IRF2: variants seen among roughly 807,000 people sequenced by gnomAD.
IRF2 encodes interferon regulatory factor 2.
In IRF2, 15 loss-of-function variants were observed where a neutral mutation model predicts 40.6. The ratio of observed to expected loss-of-function variants is 0.37; its 90% CI spans 0.25 to 0.57. The LOEUF (loss-of-function observed/expected upper bound fraction) is 0.57. IRF2 is among the 20% of genes least tolerant of loss of function. The pLI, the probability that IRF2 is intolerant of heterozygous loss-of-function variation, is 0.77. For missense variants in IRF2, 317 were observed against 455.7 expected (o/e 0.70, Z 2.77); for synonymous variants, 151 against 165.5 (o/e 0.91, Z 0.67).
intron 1 of IRF2, among the ~76,000 whole-genome samples, chr4:184,442,830 T>C (rs1297563008): frequency 6.8e-6 from 1 of 147,542 alleles, no homozygotes; most frequent in Non-Finnish European, 1.5e-5. Context: ...CCTGTTTGTT[T>C]TTTACCACTT....
chr4:184,466,732 C>A, intron 1 of IRF2, among the ~76,000 whole-genome samples: 1 of 152,130 alleles, frequency 6.6e-6, no homozygotes, highest in East Asian at 1.9e-4. Context: ...GAGAAATGCA[C>A]CATTAAGCAA....
At chr4:184,427,586 A>G (rs1319513501) in intron 2 of IRF2, among the ~76,000 whole-genome samples, 1 of 152,236 alleles carries the variant, frequency 6.6e-6, no homozygotes, top group Non-Finnish European at 1.5e-5. Flanking sequence ...CAGAGGTTAC[A>G]GTGAGCTGAG....
intron 1 of IRF2, among the ~76,000 whole-genome samples, chr4:184,461,697 C>A (rs1739153801): frequency 6.7e-6 from 1 of 149,376 alleles, no homozygotes; most frequent in Non-Finnish European, 1.5e-5. Flanking sequence ...CCCCCACCGC[C>A]CCCCAACCCC....
chr4:184,427,808 T>G (rs1308936375), intron 2 of IRF2, among the ~76,000 whole-genome samples: 1 of 152,232 alleles, frequency 6.6e-6, no homozygotes. Context: ...GGCTACAATC[T>G]GCAATCTGGC....
chr4:184,424,412 G>T (rs1045920992), intron 2 of IRF2, among the ~76,000 whole-genome samples: 1 of 152,164 alleles, frequency 6.6e-6, no homozygotes, highest in African/African-American at 2.4e-5. Context: ...GTACTGAGAG[G>T]TGAGGCCTTT....
At chr4:184,442,375 G>C (rs1429565614) in intron 1 of IRF2, among the ~76,000 whole-genome samples, 1 of 152,114 alleles carries the variant, frequency 6.6e-6, no homozygotes, top group East Asian at 1.9e-4. Context: ...TCCTGGCTTT[G>C]CATCACCTGG....
In IRF2 at chr4:184,474,501, C is replaced by A. The variant is rs1380410618; in HGVS notation, c.-129G>T. On this transcript the variant is annotated 5_prime_UTR_variant, in exon 1 of 9. Coordinates refer to ENST00000393593, the MANE Select transcript of IRF2 (RefSeq NM_002199.4). The surrounding 1 kb of genome is among the most constrained non-coding windows in gnomAD (Gnocchi z 5.6). ...ATCGCAGGAGCAAAACTAAAAGTTA[C>A]TCCCCGGCTTGCCTGAGAACAGTCC... The A allele has an allele frequency of 6.6e-6, 1 of 152,364 alleles. No individual in the cohort carries two copies. Among genetic ancestry groups the A allele is most frequent in the Non-Finnish European group, 1.5e-5 (1 of 68,144 alleles). 9.4% of individuals were successfully genotyped at this position (152,364 alleles called of 1,614,324 possible).
At chr4:184,431,773 C>T (rs556747629) in intron 1 of IRF2, among the ~76,000 whole-genome samples, 3 of 138,580 alleles carry the variant, frequency 2.2e-5, no homozygotes, top group Admixed American at 7.2e-5. Flanking sequence ...TATGGAAACA[C>T]GAGAGGCGTG....
Position 184,402,676 on chromosome 4 carries a change from G to A in IRF2, c.530-3597C>T, listed in dbSNP as rs142444431. On this transcript the variant is annotated intron_variant, in intron 6 of 8. Coordinates refer to ENST00000393593, the MANE Select transcript of IRF2 (RefSeq NM_002199.4). Reference sequence around the variant, plus strand: ...GTCCTGCAGGGGATTGTGACAATCTGCAAATACGGGACGTGACAATTAATG... The same window carrying A: ...GTCCTGCAGGGGATTGTGACAATCTACAAATACGGGACGTGACAATTAATG... 3.3e-5 allele frequency among the ~76,000 whole-genome samples: 5 copies of A among 152,262 alleles called. No individual in the cohort carries two copies. The East Asian group carries it at 9.6e-4, about 29-fold the overall frequency.
chr4:184,465,878 G>C (rs996660958), intron 1 of IRF2, among the ~76,000 whole-genome samples: 1 of 152,200 alleles, frequency 6.6e-6, no homozygotes, highest in Admixed American at 6.5e-5. Flanking sequence ...TTCTGGAACA[G>C]AGAGCTTAAC....
intron 2 of IRF2, among the ~76,000 whole-genome samples, chr4:184,423,207 A>C (rs2149901941): frequency 6.6e-6 from 1 of 152,270 alleles, no homozygotes; most frequent in Admixed American, 6.5e-5. Flanking sequence ...CAGGTGTCTC[A>C]TCCCCGAGTG....
In IRF2 at chr4:184,388,639, G is replaced by A; in HGVS notation, c.*119C>T. The A allele has an allele frequency of 9.5e-7, 1 of 1,056,932 alleles. No individual in the cohort carries two copies. The highest frequency in any genetic ancestry group is 1.4e-6 in the Non-Finnish European group (1 of 721,402). The allele number at this position is 1,056,932 out of a possible 1,614,324, so 65.5% of individuals were successfully genotyped here. Reference sequence around the variant, plus strand: ...TGGACACAGCAATCAATGTTCTATTGTCAAGGCTTTTTCCCTTAGATTTGT... The same window carrying A: ...TGGACACAGCAATCAATGTTCTATTATCAAGGCTTTTTCCCTTAGATTTGT... On this transcript the variant is annotated 3_prime_UTR_variant, in exon 9 of 9. Coordinates refer to ENST00000393593, the MANE Select transcript of IRF2 (RefSeq NM_002199.4). The surrounding 1 kb of genome is among the most constrained non-coding windows in gnomAD (Gnocchi z 4.6).
In IRF2 at chr4:184,408,177, A is replaced by C; in HGVS notation, c.510T>G (p.Asp170Glu). Residue 170 changes from aspartate (D) to glutamate (E), a missense_variant, in exon 6 of 9, where the codon GAT becomes GAG. Coordinates refer to ENST00000393593, the MANE Select transcript of IRF2 (RefSeq NM_002199.4). The surrounding 1 kb of genome is among the most constrained non-coding windows in gnomAD (Gnocchi z 4.9). ...VLTSTIKNEV[D>E]STVNIIVVGQ... ...GTTTACCTATGATGTTCACCGTACT[A>C]TCCACTTCATTTTTTATAGTTGAAG... The C allele has an allele frequency of 6.2e-7, 1 of 1,600,092 alleles. No individual in the cohort carries two copies. Among genetic ancestry groups the C allele is most frequent in the Non-Finnish European group, 8.6e-7 (1 of 1,167,156 alleles).
chr4:184,389,720 G>A (rs561503283), intron 8 of IRF2, among the ~76,000 whole-genome samples: 17 of 152,062 alleles, frequency 1.1e-4, no homozygotes, highest in East Asian at 1.9e-4. Context: ...TCTGCGGCTC[G>A]GCCCGATTAT....
At position 184,419,156 on chromosome 4, in the gene IRF2, G is replaced by C. The variant is rs116419661; in HGVS notation, c.187+313C>G. Among the ~76,000 whole-genome samples, 1,086 of 151,966 alleles carry C rather than the reference G, an allele frequency of 7.1e-3. 11 individuals are homozygous for C. Among genetic ancestry groups the C allele is most frequent in the African/African-American group, 0.024 (1,004 of 41,368 alleles). ...TACAGGTATTTCTGACTACCTTTTT[G>C]GGGGGGAGATAAATTTGACCAAAGT... On this transcript the variant is annotated intron_variant, in intron 3 of 8. Transcript: ENST00000393593.
At chr4:184,473,185 G>A (rs1351942057) in intron 1 of IRF2, among the ~76,000 whole-genome samples, 1 of 151,638 alleles carries the variant, frequency 6.6e-6, no homozygotes, top group Non-Finnish European at 1.5e-5. Flanking sequence ...CGGCCAGCGG[G>A]CGAATGTCAC....
intron 6 of IRF2, among the ~76,000 whole-genome samples, chr4:184,399,620 A>G (rs960508472): frequency 4.6e-5 from 7 of 152,352 alleles, no homozygotes; most frequent in Middle Eastern, 3.4e-3. Context: ...GTATGAACAT[A>G]AGTTTCCATT....
intron 1 of IRF2, among the ~76,000 whole-genome samples, chr4:184,461,472 T>G (rs1316004798): frequency 2.0e-5 from 3 of 152,194 alleles, no homozygotes; most frequent in African/African-American, 7.2e-5. Context: ...CTTGCCTAAT[T>G]GTGTTTTCTC....
chr4:184,442,518 T>C (rs1435023863), intron 1 of IRF2, among the ~76,000 whole-genome samples: 2 of 152,124 alleles, frequency 1.3e-5, no homozygotes, highest in Non-Finnish European at 2.9e-5. Context: ...CCGATTAACC[T>C]GAAGAACTAT....
Sources: allele counts gnomAD v4.1 joint callset (sites outside exome capture counted in the v4.1 genomes callset), GRCh38; gene constraint gnomAD v4.1.1; non-coding constraint Gnocchi (gnomAD v3.1); transcripts MANE v1.5; gene names NCBI Gene and HGNC (gene_info 2026-07-23, HGNC 2026-07-21).